The following PHLPP2 variants were observed in gnomAD, a reference collection of about 807,000 sequenced individuals.
PHLPP2 encodes the protein PH domain leucine-rich repeat-containing protein phosphatase 2.
PHLPP2 carries 66 observed loss-of-function variants against 124.9 expected under a neutral mutation model. That is an observed-to-expected ratio of 0.53 (90% CI 0.43 to 0.65). The LOEUF (loss-of-function observed/expected upper bound fraction) is 0.65. PHLPP2 is among the 30% of genes least tolerant of loss of function. PHLPP2 has a pLI of 0.00. For synonymous variants in PHLPP2, 681 were observed against 624.7 expected, an observed-to-expected ratio of 1.09 and a Z score of -1.34; for missense variants, 1,685 against 1,600.4, an observed-to-expected ratio of 1.05 and a Z score of -0.90.
chr16:71,707,382 T>C (rs935081683), intron 2 of PHLPP2, among the ~76,000 whole-genome samples: 1 of 152,110 alleles, frequency 6.6e-6, no homozygotes, highest in Non-Finnish European at 1.5e-5. Flanking sequence ...TTGTTATTCA[T>C]GACCCCCTTG....
chr16:71,687,135 C>A (rs751468398), intron 4 of PHLPP2, among the ~76,000 whole-genome samples: 1 of 152,054 alleles, frequency 6.6e-6, no homozygotes, highest in Non-Finnish European at 1.5e-5. Flanking sequence ...TGCCGTATCT[C>A]ACTATTATTT....
intron 15 of PHLPP2, among the ~76,000 whole-genome samples, chr16:71,657,375 G>A (rs2044750897): frequency 6.6e-6 from 1 of 150,876 alleles, no homozygotes; most frequent in Non-Finnish European, 1.5e-5. Context: ...ACCACGCCCG[G>A]CCAACAATAA....
chr16:71,684,116 TGAG>T (rs1343652462), intron 5 of PHLPP2, among the ~76,000 whole-genome samples: 18 of 147,440 alleles, frequency 1.2e-4, no homozygotes, highest in African/African-American at 4.5e-4. Flanking sequence ...ACATTTCTCT[TGAG>T]GTACTCTTTT....
At chr16:71,662,323 G>T (rs1006347923) in intron 13 of PHLPP2, among the ~76,000 whole-genome samples, 1 of 151,718 alleles carries the variant, frequency 6.6e-6, no homozygotes, top group South Asian at 2.1e-4. Context: ...CCAGCTACTT[G>T]GGAGGCTGAG....
chr16:71,663,223 T>C (rs80126763), intron 13 of PHLPP2, among the ~76,000 whole-genome samples: 29,753 of 152,290 alleles, frequency 0.2, 3,246 homozygotes, highest in South Asian at 0.48. Context: ...GCAATTCTCC[T>C]GCCTGAGCCT....
At chr16:71,688,383 G>T (rs559831528) in intron 4 of PHLPP2, among the ~76,000 whole-genome samples, 41 of 152,254 alleles carry the variant, frequency 2.7e-4, no homozygotes, top group African/African-American at 9.1e-4. Context: ...TTAAATTTTA[G>T]TAACTGTATT....
In PHLPP2 at chr16:71,668,764, C is replaced by CA. The variant is rs879576262; in HGVS notation, c.1628+510dup. ...GGGTGACAGAATGAGACCCTGTCTC[C>CA]AAAAAAAAAAGACTACCTTCAAATG... On this transcript the variant is annotated intron_variant, in intron 11 of 18. Coordinates refer to ENST00000568954, the MANE Select transcript of PHLPP2 (RefSeq NM_015020.3). 3.4e-3 allele frequency among the ~76,000 whole-genome samples: 486 copies of CA among 144,972 alleles called. 3 individuals are homozygous for CA. The highest frequency in any genetic ancestry group is 9.1e-3 in the African/African-American group (361 of 39,644).
chr16:71,714,136 C>T (rs960699955), intron 2 of PHLPP2, among the ~76,000 whole-genome samples: 1 of 151,880 alleles, frequency 6.6e-6, no homozygotes, highest in African/African-American at 2.4e-5. Context: ...AGCAGGGTTT[C>T]GCCATGTTGA....
At chr16:71,702,564 T>C (rs752114433) in intron 3 of PHLPP2, 34 bp downstream of exon 3, 11 of 1,573,082 alleles carry the variant, frequency 7.0e-6, no homozygotes, top group East Asian at 2.2e-5. Flanking sequence ...AACCTAAAAG[T>C]AGTTAACATA....
rs987338443 is a variant in PHLPP2, at chr16:71,664,093, T to C, written c.1791A>G (p.Arg597=). 3 of 1,609,572 alleles carry C rather than the reference T, an allele frequency of 1.9e-6. No homozygotes were observed. Among genetic ancestry groups the C allele is most frequent in the Non-Finnish European group, 1.7e-6 (2 of 1,175,812 alleles). ...GACTATTTGCAGATGCATTCAAGTA[T>C]CTGAGACTGACAGAACACACACAGA... ...DTLFSKALNL[R]YLNASANSLE... Residue 597 remains arginine, a synonymous_variant, in exon 13 of 19, where the codon AGA becomes AGG. Transcript: ENST00000568954.
rs1027968241 is a variant in PHLPP2, at chr16:71,656,459, T to G, written c.2390+112A>C. ...TTATCTGACGCTGATGTTCTATGAT[T>G]TGTCTGTGTACAACAGAACAACATG... On this transcript the variant is annotated intron_variant, in intron 16 of 18. Coordinates refer to ENST00000568954, the MANE Select transcript of PHLPP2 (RefSeq NM_015020.3). The G allele has an allele frequency of 4.7e-6, 3 of 641,324 alleles. No individual in the cohort carries two copies. In the African/African-American group the frequency reaches 5.5e-5, roughly 12 times the overall value. 39.7% of individuals were successfully genotyped at this position (641,324 alleles called of 1,614,324 possible).
intron 3 of PHLPP2, among the ~76,000 whole-genome samples, chr16:71,695,495 G>A (rs954376959): frequency 6.6e-6 from 1 of 152,160 alleles, no homozygotes; most frequent in Non-Finnish European, 1.5e-5. Flanking sequence ...GATCACCTGA[G>A]GTCAGGAGTT....
At chr16:71,650,201 G>A (rs2044686793) in intron 18 of PHLPP2, among the ~76,000 whole-genome samples, 157 bp from the exon 19 acceptor site, 1 of 152,212 alleles carries the variant, frequency 6.6e-6, no homozygotes, top group South Asian at 2.1e-4. Flanking sequence ...ACAAATAAAT[G>A]TAGAGAAGTC....
intron 1 of PHLPP2, among the ~76,000 whole-genome samples, chr16:71,718,636 A>T (rs2045379016): frequency 6.6e-6 from 1 of 151,624 alleles, no homozygotes. Context: ...GAGGCCAAGG[A>T]GGGAGGATCA....
chr16:71,710,312 G>A (rs915483708), intron 2 of PHLPP2, among the ~76,000 whole-genome samples: 1 of 152,112 alleles, frequency 6.6e-6, no homozygotes, highest in South Asian at 2.1e-4. Context: ...ATCTCTCTAA[G>A]GTTTCCTCAA....
At chr16:71,721,099 C>G (rs1446113540) in intron 1 of PHLPP2, among the ~76,000 whole-genome samples, 4 of 151,242 alleles carry the variant, frequency 2.6e-5, no homozygotes, top group South Asian at 2.1e-4. Context: ...TTTGGGATGC[C>G]GAGGAGGGAC....
At chr16:71,662,369 G>A (rs974905807) in intron 13 of PHLPP2, among the ~76,000 whole-genome samples, 2 of 151,876 alleles carry the variant, frequency 1.3e-5, no homozygotes, top group Admixed American at 6.6e-5. Flanking sequence ...GGCAGAGGTT[G>A]CAGTGAGCCA....
chr16:71,693,703 C>G (rs1439499495), intron 3 of PHLPP2, among the ~76,000 whole-genome samples: 1 of 152,132 alleles, frequency 6.6e-6, no homozygotes, highest in African/African-American at 2.4e-5. Context: ...CATGAACATG[C>G]AATGAAATTT....
At chr16:71,719,228 G>A (rs776155798) in intron 1 of PHLPP2, among the ~76,000 whole-genome samples, 3 of 152,174 alleles carry the variant, frequency 2.0e-5, no homozygotes, top group Non-Finnish European at 2.9e-5. Context: ...TACAAAGAGC[G>A]TATTTTAGAT....
Sources: allele counts gnomAD v4.1 joint callset (sites outside exome capture counted in the v4.1 genomes callset), GRCh38; gene constraint gnomAD v4.1.1; transcripts MANE v1.5; gene names NCBI Gene and HGNC (gene_info 2026-07-23, HGNC 2026-07-21).